Variants in CADM2 observed in about 807,000 individuals in gnomAD.
CADM2 encodes cell adhesion molecule 2.
In CADM2, 12 loss-of-function variants were observed where a neutral mutation model predicts 49.8. That is an observed-to-expected ratio of 0.24 (90% confidence interval 0.15 to 0.39). The LOEUF is 0.39. CADM2 is among the 10% of genes least tolerant of loss of function. The pLI is 1.00. For synonymous variants in CADM2, 214 were observed against 175.4 expected (o/e 1.22, Z -1.74); for missense variants, 378 against 492.3 (o/e 0.77, Z 2.20).
Position 85,744,275 on chromosome 3 carries a change from A to T in CADM2, c.88+17727A>T, listed in dbSNP as rs987078980. Among the ~76,000 whole-genome samples, 4 of 152,272 alleles carry T rather than the reference A, an allele frequency of 2.6e-5. No individual in the cohort carries two copies. In the East Asian group the frequency reaches 7.7e-4, roughly 29 times the overall value. On this transcript the variant is annotated intron_variant, in intron 2 of 9. Transcript: ENST00000383699. ...TGGGTACAAATAAATAGTTACAAAG[A>T]ATGAATAAGATTGAATATTTGATAG...
intron 1 of CADM2, among the ~76,000 whole-genome samples, chr3:85,601,053 T>A: frequency 6.7e-6 from 1 of 148,662 alleles, no homozygotes; most frequent in East Asian, 2.0e-4. Context: ...TACATACCTA[T>A]ATTTATATAT....
intron 1 of CADM2, among the ~76,000 whole-genome samples, chr3:85,684,734 T>C (rs1257649552): frequency 6.6e-6 from 1 of 152,150 alleles, no homozygotes; most frequent in Non-Finnish European, 1.5e-5. Context: ...AAACCCCTTA[T>C]AAAATCATCA....
intron 1 of CADM2, among the ~76,000 whole-genome samples, chr3:85,147,697 G>T (rs970146496): frequency 3.3e-5 from 5 of 151,800 alleles, no homozygotes; most frequent in Non-Finnish European, 7.4e-5. Context: ...GCACAATAAA[G>T]AATTAATATC....
chr3:86,062,752 C>G (rs995035129), intron 8 of CADM2, among the ~76,000 whole-genome samples: 1 of 151,850 alleles, frequency 6.6e-6, no homozygotes, highest in Non-Finnish European at 1.5e-5. Context: ...GATCATGCCA[C>G]TCACTGAACT....
intron 1 of CADM2, among the ~76,000 whole-genome samples, chr3:85,583,205 A>G (rs1051164130): frequency 1.3e-5 from 2 of 152,130 alleles, no homozygotes; most frequent in Non-Finnish European, 2.9e-5. Flanking sequence ...AAAGCCTGAG[A>G]TGTGTATGGC....
intron 8 of CADM2, among the ~76,000 whole-genome samples, chr3:86,006,322 C>T (rs1384882536): frequency 6.6e-6 from 1 of 152,118 alleles, no homozygotes. Flanking sequence ...AGGTGTCATC[C>T]TTGATGACAG....
chr3:85,997,422 G>T (rs1006546263), intron 8 of CADM2, among the ~76,000 whole-genome samples: 4 of 152,080 alleles, frequency 2.6e-5, no homozygotes, highest in African/African-American at 9.7e-5. Flanking sequence ...CTACAAATTT[G>T]TAGTAATCTC....
intron 1 of CADM2, among the ~76,000 whole-genome samples, chr3:85,643,179 G>A (rs1276897546): frequency 1.3e-5 from 2 of 152,120 alleles, no homozygotes; most frequent in African/African-American, 2.4e-5. Context: ...ATTGTACCAT[G>A]CTTGTTTAAT....
intron 1 of CADM2, among the ~76,000 whole-genome samples, chr3:85,472,232 T>C: frequency 6.6e-6 from 1 of 152,032 alleles, no homozygotes; most frequent in East Asian, 1.9e-4. Context: ...TATTTGTTGA[T>C]CTAGGTCATT....
intron 5 of CADM2, among the ~76,000 whole-genome samples, chr3:85,895,662 G>T (rs1262622202): frequency 1.3e-5 from 2 of 152,152 alleles, no homozygotes; most frequent in Non-Finnish European, 2.9e-5. Context: ...TGTTATGGGA[G>T]GGACCCAGTG....
chr3:85,894,335 G>A (rs1048889458), intron 5 of CADM2, among the ~76,000 whole-genome samples: 8 of 152,060 alleles, frequency 5.3e-5, no homozygotes, highest in Admixed American at 2.0e-4. Context: ...CATCCACACC[G>A]GGAACTGTTG....
intron 1 of CADM2, among the ~76,000 whole-genome samples, chr3:84,976,348 A>T (rs1490221038): frequency 6.6e-6 from 1 of 151,748 alleles, no homozygotes; most frequent in Non-Finnish European, 1.5e-5. Flanking sequence ...TTTATATTAT[A>T]GAAAGTTAAA....
intron 1 of CADM2, among the ~76,000 whole-genome samples, chr3:85,565,114 T>C (rs1211791684): frequency 1.3e-5 from 2 of 152,096 alleles, no homozygotes; most frequent in African/African-American, 4.8e-5. Flanking sequence ...AATTTATCCA[T>C]ACCTCATAGA....
At chr3:85,396,216 T>C (rs1255412882) in intron 1 of CADM2, among the ~76,000 whole-genome samples, 1 of 151,740 alleles carries the variant, frequency 6.6e-6, no homozygotes, top group Non-Finnish European at 1.5e-5. Flanking sequence ...TGTAGATTAG[T>C]GAAGCTGTAA....
At chr3:85,612,019 A>C (rs911969102) in intron 1 of CADM2, among the ~76,000 whole-genome samples, 14 of 151,848 alleles carry the variant, frequency 9.2e-5, no homozygotes, top group African/African-American at 3.1e-4. Context: ...GGGAAGGTGA[A>C]TAGATATTTA....
chr3:85,514,633 A>G (rs115938787), intron 1 of CADM2, among the ~76,000 whole-genome samples: 1,525 of 152,200 alleles, frequency 0.01, 24 homozygotes, highest in African/African-American at 0.033. Flanking sequence ...TAACAATCCA[A>G]TGATATCTTG....
intron 1 of CADM2, among the ~76,000 whole-genome samples, chr3:84,984,395 C>G (rs2032423731): frequency 7.6e-6 from 1 of 131,690 alleles, no homozygotes; most frequent in Non-Finnish European, 1.5e-5. Flanking sequence ...ACACTTGAGG[C>G]TGTCCTTAAC....
At chr3:85,083,439 T>C (rs1222094980) in intron 1 of CADM2, among the ~76,000 whole-genome samples, 1 of 152,136 alleles carries the variant, frequency 6.6e-6, no homozygotes, top group Non-Finnish European at 1.5e-5. Flanking sequence ...ACCTAAACTT[T>C]GGTAAAGATT....
chr3:86,020,534 A>G (rs1179316570), intron 8 of CADM2, among the ~76,000 whole-genome samples: 8 of 151,522 alleles, frequency 5.3e-5, no homozygotes, highest in African/African-American at 1.7e-4. Context: ...GACACAACAA[A>G]AAAAGAGAAT....
Sources: allele counts gnomAD v4.1 joint callset (sites outside exome capture counted in the v4.1 genomes callset), GRCh38; gene constraint gnomAD v4.1.1; transcripts MANE v1.5; gene names NCBI Gene and HGNC (gene_info 2026-07-23, HGNC 2026-07-21).